The following SLC5A10 variants were observed in gnomAD, a reference collection of about 807,000 sequenced individuals.
SLC5A10 encodes the protein sodium/mannose cotransporter SLC5A10.
SLC5A10 carries 55 observed loss-of-function variants against 68.9 expected under a neutral mutation model. The ratio of observed to expected loss-of-function variants is 0.80; its 90% confidence interval spans 0.64 to 1.00. The LOEUF is 1.00. Ranked by LOEUF, SLC5A10 falls within the 50% of genes least tolerant of loss-of-function variation. The probability of loss-of-function intolerance (pLI) is 0.00; values close to 1 mark genes in which losing one functional copy is unlikely to be tolerated. For synonymous variants in SLC5A10, 344 were observed against 344.8 expected (o/e 1.00, Z 0.02); for missense variants, 732 against 819.3 (o/e 0.89, Z 1.30).
intron 9 of SLC5A10, among the ~76,000 whole-genome samples, chr17:19,011,204 G>A (rs1397922134): frequency 6.6e-6 from 1 of 152,218 alleles, no homozygotes; most frequent in Non-Finnish European, 1.5e-5. Context: ...GCCCTTGGGA[G>A]GAAGCTGCTA....
rs2043803021 is a variant in SLC5A10 at position 19,003,850 on chromosome 17, G to A, written c.983-9560G>A. The A allele has an allele frequency of 6.2e-7, 1 of 1,613,028 alleles. No individual in the cohort carries two copies. The highest frequency in any genetic ancestry group is 1.1e-5 in the South Asian group (1 of 91,084). On this transcript the variant is annotated intron_variant, in intron 9 of 14. Transcript: ENST00000395645. This position sits in a 1 kb window ranked among gnomAD's most constrained non-coding sequence, Gnocchi z 4.5. ...CCTCGATGGTCTCCAGGATGCGCTT[G>A]AGCTCCAGCTCCGAGAGGAAGTCTC...
intron 9 of SLC5A10, among the ~76,000 whole-genome samples, chr17:18,984,042 G>A (rs925636251): frequency 4.6e-5 from 7 of 152,108 alleles, no homozygotes; most frequent in Admixed American, 3.3e-4. Flanking sequence ...AATCCCCCCC[G>A]TTTGAGAACC....
upstream of SLC5A10, among the ~76,000 whole-genome samples, chr17:18,951,390 T>C (rs546869006): frequency 3.3e-5 from 5 of 152,396 alleles, no homozygotes; most frequent in South Asian, 1.0e-3. Context: ...GGATGAGACA[T>C]TGCCTACTCT....
At position 19,003,665 on chromosome 17, in the gene SLC5A10, C is replaced by T. The variant is rs1346487933; in HGVS notation, c.983-9745C>T. On this transcript the variant is annotated intron_variant, in intron 9 of 14. Transcript: ENST00000395645. This position sits in a 1 kb window ranked among gnomAD's most constrained non-coding sequence, Gnocchi z 4.5. ...GCCCAGGTCCAGCTGCGGGATGGAG[C>T]GGTCCGACTTCTGGGGCCAGTACTC... is the stretch of plus-strand genomic sequence containing the variant. 1 of 1,611,610 alleles carries T rather than the reference C, an allele frequency of 6.2e-7. No individual in the cohort carries two copies. Among genetic ancestry groups the T allele is most frequent in the African/African-American group, 1.3e-5 (1 of 75,020 alleles).
intron 11 of SLC5A10, among the ~76,000 whole-genome samples, chr17:19,016,152 T>C (rs889506732): frequency 2.0e-5 from 3 of 152,086 alleles, no homozygotes; most frequent in African/African-American, 7.2e-5. Flanking sequence ...TTCAAGAGAT[T>C]CTCGTGTCTC....
At chr17:19,001,584 C>A (rs964837629) in intron 9 of SLC5A10, among the ~76,000 whole-genome samples, 2 of 152,226 alleles carry the variant, frequency 1.3e-5, no homozygotes, top group African/African-American at 4.8e-5. Flanking sequence ...AGACAGGTGA[C>A]AGCAATCACC....
In SLC5A10 at chr17:18,968,880, TC is replaced by T. The variant is rs2042765558; in HGVS notation, c.454-167del. ...AGCTTGTAGCTCCACGGCCAGGTCT[TC>T]CCCCAACCTCACAATGGCCCCGTGA... On this transcript the variant is annotated intron_variant, in intron 5 of 14. Transcript: ENST00000395645. The surrounding 1 kb of genome is among the most constrained non-coding windows in gnomAD (Gnocchi z 4.1). The T allele has an allele frequency of 1.6e-6, 1 of 608,552 alleles. No individual in the cohort carries two copies. The allele number at this position is 608,552 out of a possible 1,614,324, so 37.7% of individuals were successfully genotyped here. A position where few individuals can be genotyped will look rare whatever the true frequency, so the allele number is the denominator to read the frequency against.
intron 1 of SLC5A10, among the ~76,000 whole-genome samples, chr17:18,955,085 CAAAAAAAAAA>C (rs398041580): frequency 4.3e-4 from 51 of 118,780 alleles, no homozygotes; most frequent in Admixed American, 4.7e-4. Flanking sequence ...AACACTGTAT[CAAAAAAAAAA>C]AAAAAAAAAA....
chr17:19,004,005 G>T lies in SLC5A10; in HGVS notation c.983-9405G>T, dbSNP rs1451660672. ...GACTCGCTGGAGCGCCAGTTCACATGGTTGTCGTCCAGACACTGCACCTGA... is the reference window on the plus strand; with the variant it reads ...GACTCGCTGGAGCGCCAGTTCACATTGTTGTCGTCCAGACACTGCACCTGA... On this transcript the variant is annotated intron_variant, in intron 9 of 14. Coordinates refer to ENST00000395645, the MANE Select transcript of SLC5A10 (RefSeq NM_001042450.4). This position sits in a 1 kb window ranked among gnomAD's most constrained non-coding sequence, Gnocchi z 5.4. The T allele has an allele frequency of 6.2e-6, 10 of 1,611,282 alleles. No individual in the cohort carries two copies. In the Admixed American group the frequency reaches 8.4e-5, roughly 13 times the overall value.
rs780580448 is a variant in SLC5A10 at position 19,020,458 on chromosome 17, G to A, written c.*27G>A. The A allele has an allele frequency of 1.2e-5, 20 of 1,604,378 alleles. 1 individual carries two copies. In the South Asian group the frequency reaches 2.1e-4, roughly 17 times the overall value. On this transcript the variant is annotated 3_prime_UTR_variant, in exon 15 of 15. Coordinates refer to ENST00000395645, the MANE Select transcript of SLC5A10 (RefSeq NM_001042450.4). ...ACTGCCATCCTGGACAGAAAGGCAG[G>A]AGCTCTGAGTCCTCAGGTCCACCCA... is the stretch of plus-strand genomic sequence containing the variant.
chr17:19,006,403 CTT>C (rs532718554), intron 9 of SLC5A10, among the ~76,000 whole-genome samples: 12 of 138,398 alleles, frequency 8.7e-5, no homozygotes, highest in Admixed American at 1.5e-4. Context: ...TTTCTTTTTT[CTT>C]TTTTTTTTTT....
intron 1 of SLC5A10, 118 bp downstream of exon 1, chr17:18,952,434 G>A (rs2151987101): frequency 7.9e-7 from 1 of 1,261,686 alleles, no homozygotes; most frequent in Non-Finnish European, 1.1e-6. Context: ...GTGGCCTAGT[G>A]ATCCTTGTGG....
chr17:19,001,785 T>G (rs1233813981), intron 9 of SLC5A10, among the ~76,000 whole-genome samples: 1 of 151,802 alleles, frequency 6.6e-6, no homozygotes, highest in Non-Finnish European at 1.5e-5. Context: ...AGCCCCTATC[T>G]GGCCCATCGC....
intron 1 of SLC5A10, 136 bp downstream of exon 1, chr17:18,952,452 C>A: frequency 9.1e-7 from 1 of 1,095,132 alleles, no homozygotes; most frequent in East Asian, 2.7e-5. Flanking sequence ...TGGTCCTCCT[C>A]CCAGCCTGGG....
chr17:19,017,666 C>A lies in SLC5A10; in HGVS notation c.1242-1757C>A. 1 of 443,578 alleles carries A rather than the reference C, an allele frequency of 2.3e-6. No homozygotes were observed. Among genetic ancestry groups the A allele is most frequent in the Non-Finnish European group, 4.2e-6 (1 of 240,350 alleles). 27.5% of individuals were successfully genotyped at this position (443,578 alleles called of 1,614,324 possible). A position where few individuals can be genotyped will look rare whatever the true frequency, so the allele number is the denominator to read the frequency against. On this transcript the variant is annotated intron_variant, in intron 11 of 14. Transcript: ENST00000395645. This position sits in a 1 kb window ranked among gnomAD's most constrained non-coding sequence, Gnocchi z 5.6. Reference sequence around the variant, plus strand: ...GCCACTGCCCCCCTGCCCCACTCTCCCCTGTCTGTGTTCCCGGCTGTTCAG... The same window carrying A: ...GCCACTGCCCCCCTGCCCCACTCTCACCTGTCTGTGTTCCCGGCTGTTCAG...
intron 9 of SLC5A10, among the ~76,000 whole-genome samples, chr17:18,999,560 G>A (rs2152139922): frequency 6.6e-6 from 1 of 152,324 alleles, no homozygotes; most frequent in African/African-American, 2.4e-5. Flanking sequence ...TTCCAGAGTT[G>A]TGGGGAGGAT....
intron 9 of SLC5A10, among the ~76,000 whole-genome samples, chr17:19,012,942 G>A (rs141988050): frequency 8.3e-4 from 127 of 152,356 alleles, no homozygotes; most frequent in African/African-American, 3.0e-3. Context: ...CAAGCCGGCT[G>A]CCCATGGACA....
At chr17:19,001,189 C>T (rs1036810213) in intron 9 of SLC5A10, among the ~76,000 whole-genome samples, 27 of 152,250 alleles carry the variant, frequency 1.8e-4, no homozygotes, top group African/African-American at 6.5e-4. Context: ...CCTGCCCACA[C>T]ATGCCACACA....
At chr17:18,977,686 A>C in intron 9 of SLC5A10, 2 of 1,610,692 alleles carry the variant, frequency 1.2e-6, no homozygotes, top group Non-Finnish European at 1.7e-6. Flanking sequence ...CCTGGGGTCC[A>C]ACAAAGGTCC....
Sources: gnomAD v4.1 joint callset for allele counts (sites outside exome capture counted in the v4.1 genomes callset) on GRCh38, gnomAD v4.1.1 for gene constraint, Gnocchi (gnomAD v3.1) non-coding constraint, MANE v1.5 for transcripts, NCBI Gene and HGNC (gene_info 2026-07-23, HGNC 2026-07-21) for gene names.